Variants in TRPC4AP observed in about 807,000 individuals in gnomAD.
The protein encoded by TRPC4AP is short transient receptor potential channel 4-associated protein.
A neutral mutation model predicts 99.0 loss-of-function variants in TRPC4AP; 45 were observed. That is an observed-to-expected ratio of 0.45 (90% confidence interval 0.36 to 0.58). The LOEUF is 0.58. Among genes scored for constraint, TRPC4AP ranks in the 20% least tolerant of loss-of-function variants. The probability of loss-of-function intolerance (pLI) is 0.00; values close to 1 mark genes in which losing one functional copy is unlikely to be tolerated. For synonymous variants in TRPC4AP, 408 were observed against 385.8 expected (o/e 1.06, Z -0.67); for missense variants, 879 against 985.3 (o/e 0.89, Z 1.44).
chr20:35,002,510 C>T lies in TRPC4AP; in HGVS notation c.*636G>A, dbSNP rs941631147. 1.5e-5 allele frequency: 4 copies of T among 263,806 alleles called. No homozygotes were observed. Among genetic ancestry groups the T allele is most frequent in the East Asian group, 6.8e-5 (1 of 14,652 alleles). The allele number at this position is 263,806 out of a possible 1,614,324, so 16.3% of individuals were successfully genotyped here. On this transcript the variant is annotated 3_prime_UTR_variant, in exon 19 of 19. Coordinates refer to ENST00000252015, the MANE Select transcript of TRPC4AP (RefSeq NM_015638.3). ...CCCCATGTCCAGGCTCAGGCAGGAG[C>T]GGCTGCCTCAGGCAGAGGCAGGGCA...
At chr20:35,006,152 G>A (rs561694752) in intron 15 of TRPC4AP, among the ~76,000 whole-genome samples, 98 of 152,140 alleles carry the variant, frequency 6.4e-4, no homozygotes, top group Non-Finnish European at 1.1e-3. Context: ...TCCCTACAGC[G>A]GCTCCCACCG....
At chr20:35,020,924 T>A (rs947038821) in intron 9 of TRPC4AP, among the ~76,000 whole-genome samples, 2 of 152,128 alleles carry the variant, frequency 1.3e-5, no homozygotes, top group South Asian at 4.1e-4. Context: ...AGTCTTCACC[T>A]CACAGAGGCA....
intron 4 of TRPC4AP, among the ~76,000 whole-genome samples, chr20:35,057,135 T>A (rs1333921800): frequency 3.3e-5 from 5 of 152,094 alleles, no homozygotes; most frequent in African/African-American, 1.2e-4. Context: ...CACACCCTGG[T>A]AATGCCTGAA....
intron 1 of TRPC4AP, among the ~76,000 whole-genome samples, chr20:35,092,036 T>C (rs947745367): frequency 2.6e-5 from 4 of 152,066 alleles, no homozygotes; most frequent in South Asian, 2.1e-4. Flanking sequence ...CAGCCTAATG[T>C]GGGAGACGGG....
chr20:35,007,971 G>A (rs2082550198), intron 13 of TRPC4AP, among the ~76,000 whole-genome samples: 1 of 152,222 alleles, frequency 6.6e-6, no homozygotes, highest in Non-Finnish European at 1.5e-5. Context: ...GGGAGGACGT[G>A]CAATTGAGGG....
intron 6 of TRPC4AP, among the ~76,000 whole-genome samples, chr20:35,048,258 C>CTGGAG (rs1346353281): frequency 1.1e-4 from 16 of 139,274 alleles, no homozygotes; most frequent in Non-Finnish European, 2.3e-4. Flanking sequence ...GTTGCCCAGG[C>CTGGAG]TGGAGTGCAG....
chr20:35,087,806 C>T (rs767642467), intron 1 of TRPC4AP, among the ~76,000 whole-genome samples: 10 of 152,088 alleles, frequency 6.6e-5, no homozygotes, highest in African/African-American at 1.9e-4. Context: ...CAGAACAAAA[C>T]GAAGGGAAGA....
rs28416097 is a variant in TRPC4AP at position 35,086,569 on chromosome 20, G to A, written c.168+6045C>T. ...TGTGTGTGTGTGTGTGTGTGTGTGT[G>A]TGTGTGTATATATATATGAATAAGA... On this transcript the variant is annotated intron_variant, in intron 1 of 18. Transcript: ENST00000252015. Among the ~76,000 whole-genome samples the A allele has an allele frequency of 4.0e-3, 428 of 108,118 alleles. 17 individuals are homozygous for A. The East Asian group carries it at 0.048, about 12-fold the overall frequency. The allele number at this position is 108,118 out of a possible 152,430, so 70.9% of individuals were successfully genotyped here.
intron 6 of TRPC4AP, among the ~76,000 whole-genome samples, chr20:35,046,901 C>T (rs2083572924): frequency 6.6e-6 from 1 of 151,958 alleles, no homozygotes; most frequent in Non-Finnish European, 1.5e-5. Flanking sequence ...CGGAGTCTCA[C>T]TGTGATGCCC....
chr20:35,003,730 AC>A, intron 17 of TRPC4AP, 114 bp from the exon 18 acceptor site: 1 of 1,144,636 alleles, frequency 8.7e-7, no homozygotes, highest in Non-Finnish European at 1.2e-6. Flanking sequence ...CGGGCCACCC[AC>A]AGAGCTCTCC....
intron 2 of TRPC4AP, among the ~76,000 whole-genome samples, chr20:35,071,466 G>A (rs1278895338): frequency 1.5e-5 from 2 of 130,660 alleles, no homozygotes; most frequent in Admixed American, 9.9e-5. Context: ...GGTGTGTGAC[G>A]TTCCCCACCC....
intron 7 of TRPC4AP, among the ~76,000 whole-genome samples, chr20:35,038,150 T>C (rs192366502): frequency 1.3e-5 from 2 of 150,394 alleles, no homozygotes; most frequent in African/African-American, 4.9e-5. Flanking sequence ...ATAGAGGTGG[T>C]AGCTGCACAA....
chr20:35,076,438 T>C (rs2084483126), intron 2 of TRPC4AP, among the ~76,000 whole-genome samples: 1 of 152,134 alleles, frequency 6.6e-6, no homozygotes, highest in Non-Finnish European at 1.5e-5. Flanking sequence ...ACAGATGGGG[T>C]TTTGGTGTGG....
At position 35,053,949 on chromosome 20, in the gene TRPC4AP, C is replaced by G. The variant is rs925252696; in HGVS notation, c.528+1027G>C. On this transcript the variant is annotated intron_variant, in intron 5 of 18. Transcript: ENST00000252015. ...AATTACGTAAGTGTTCAAACATATTCCCCTATTTGTGTTGGCTGCTAAGAA... is the reference window on the plus strand; with the variant it reads ...AATTACGTAAGTGTTCAAACATATTGCCCTATTTGTGTTGGCTGCTAAGAA... Among the ~76,000 whole-genome samples, 15 of 152,282 alleles carry G rather than the reference C, an allele frequency of 9.9e-5. No individual in the cohort carries two copies. In the South Asian group the frequency reaches 1.4e-3, roughly 15 times the overall value.
chr20:35,059,802 C>CGAAGACAAAGATGAAGACGAAGAAGAT (rs2083941176), intron 3 of TRPC4AP, among the ~76,000 whole-genome samples: 1 of 150,218 alleles, frequency 6.7e-6, no homozygotes, highest in Non-Finnish European at 1.5e-5. Flanking sequence ...AAGGCGAAGA[C>CGAAGACAAAGATGAAGACGAAGAAGAT]GAAGACAAAG....
intron 7 of TRPC4AP, 90 bp downstream of exon 7, chr20:35,044,415 A>T: frequency 1.7e-6 from 2 of 1,210,156 alleles, no homozygotes; most frequent in African/African-American, 1.6e-5. Context: ...AAAAAAAAAA[A>T]GAAAAGAAAA....
rs1295152352 is a variant in TRPC4AP, at chr20:35,086,471, G to GTA, written c.168+6142_168+6143insTA. ...TGTGTGTGTGTGTGTGTGTGTGTGTGTGTGTATGTGTGTGTATATATATAT... is the reference window on the plus strand; with the variant it reads ...TGTGTGTGTGTGTGTGTGTGTGTGTGTATGTGTATGTGTGTGTATATATATAT... On this transcript the variant is annotated intron_variant, in intron 1 of 18. Coordinates refer to ENST00000252015, the MANE Select transcript of TRPC4AP (RefSeq NM_015638.3). Among the ~76,000 whole-genome samples, 138 of 83,406 alleles carry GTA rather than the reference G, an allele frequency of 1.7e-3. 1 individual carries two copies. Among genetic ancestry groups the GTA allele is most frequent in the African/African-American group, 4.8e-3 (114 of 23,954 alleles). The allele number at this position is 83,406 out of a possible 152,430, so 54.7% of individuals were successfully genotyped here.
Position 35,049,969 on chromosome 20 carries a change from G to T in TRPC4AP, c.554C>A (p.Ala185Glu). ...VCTEGVTKRL[A>E]EKNDFVIFLF... ...GAAGATCACAAAGTCATTCTTTTCT[G>T]CCAAACGCTTTGTAACTCCCTCTGT... Residue 185 changes from alanine to glutamate, a missense_variant, in exon 6 of 19, where the codon GCA becomes GAA. Coordinates refer to ENST00000252015, the MANE Select transcript of TRPC4AP (RefSeq NM_015638.3). The T allele has an allele frequency of 6.2e-7, 1 of 1,613,830 alleles. No individual in the cohort carries two copies. Among genetic ancestry groups the T allele is most frequent in the Non-Finnish European group, 8.5e-7 (1 of 1,179,890 alleles).
rs185883353 is a variant in TRPC4AP, at chr20:35,010,999, G to A, written c.1410-711C>T. ...ATTGAGGCCGGGCGCGGTGGTTCAC[G>A]TCTGTAATCCCAGCACTTTGGAAGG... On this transcript the variant is annotated intron_variant, in intron 11 of 18. Transcript: ENST00000252015. 8.7e-4 allele frequency among the ~76,000 whole-genome samples: 133 copies of A among 152,306 alleles called. 2 individuals carry two copies. The highest frequency in any genetic ancestry group is 2.1e-4 in the Non-Finnish European group (14 of 68,016).
Sources: allele counts gnomAD v4.1 joint callset (sites outside exome capture counted in the v4.1 genomes callset), GRCh38; gene constraint gnomAD v4.1.1; transcripts MANE v1.5; gene names NCBI Gene and HGNC (gene_info 2026-07-23, HGNC 2026-07-21).